The following OPCML variants were observed in gnomAD, a reference collection of about 807,000 sequenced individuals.
OPCML encodes the protein opioid-binding protein/cell adhesion molecule.
Under a neutral mutation model 37.8 loss-of-function variants are expected in OPCML, and 13 were observed. The ratio of observed to expected loss-of-function variants is 0.34; its 90% confidence interval spans 0.22 to 0.55. The LOEUF is 0.55. Among genes scored for constraint, OPCML ranks in the 20% least tolerant of loss-of-function variants. OPCML has a pLI of 0.91. For missense variants in OPCML, 341 were observed against 435.6 expected (o/e 0.78, Z 1.93); for synonymous variants, 176 against 168.8 (o/e 1.04, Z -0.33).
chr11:133,280,146 C>A (rs940696736), intron 1 of OPCML, among the ~76,000 whole-genome samples: 3 of 152,102 alleles, frequency 2.0e-5, no homozygotes, highest in Non-Finnish European at 2.9e-5. Context: ...ATAGTTGTAC[C>A]CTCCTAGATT....
chr11:133,147,202 C>G (rs911095179), intron 1 of OPCML, among the ~76,000 whole-genome samples: 3 of 152,144 alleles, frequency 2.0e-5, no homozygotes, highest in Non-Finnish European at 2.9e-5. Flanking sequence ...GTGCCACTTT[C>G]TACACGCAGG....
chr11:132,796,787 C>A (rs1938350095), intron 2 of OPCML, among the ~76,000 whole-genome samples: 1 of 151,914 alleles, frequency 6.6e-6, no homozygotes, highest in Non-Finnish European at 1.5e-5. Context: ...ACTGTATTAG[C>A]CAGGATGGTC....
intron 2 of OPCML, among the ~76,000 whole-genome samples, chr11:132,892,192 C>G (rs1391427165): frequency 1.3e-5 from 2 of 152,138 alleles, no homozygotes; most frequent in African/African-American, 4.8e-5. Context: ...GGCTGGAGAG[C>G]TGGAGAGGCT....
chr11:132,967,708 G>A (rs1035904590), intron 1 of OPCML, among the ~76,000 whole-genome samples: 6 of 151,872 alleles, frequency 4.0e-5, no homozygotes, highest in East Asian at 3.9e-4. Context: ...TTTTATAATC[G>A]CATAATTACT....
At chr11:133,410,367 T>G (rs986253776) in intron 1 of OPCML, among the ~76,000 whole-genome samples, 2 of 152,124 alleles carry the variant, frequency 1.3e-5, no homozygotes, top group Non-Finnish European at 2.9e-5. Flanking sequence ...ACACTTATTT[T>G]TGGGTGAACC....
intron 1 of OPCML, among the ~76,000 whole-genome samples, chr11:133,501,889 T>A (rs1300483178): frequency 1.3e-5 from 2 of 152,028 alleles, no homozygotes; most frequent in Non-Finnish European, 2.9e-5. Context: ...TCCAGCAGCC[T>A]TTCTGCCCAC....
intron 1 of OPCML, among the ~76,000 whole-genome samples, chr11:132,989,631 G>C (rs947261397): frequency 7.0e-6 from 1 of 143,340 alleles, no homozygotes. Context: ...GTGTGTGTGT[G>C]TGTGTGTGTG....
chr11:132,479,284 G>A (rs969408519), intron 4 of OPCML, among the ~76,000 whole-genome samples: 1 of 152,166 alleles, frequency 6.6e-6, no homozygotes, highest in African/African-American at 2.4e-5. Flanking sequence ...GGAAAATCGG[G>A]TCACTCCCAC....
At chr11:132,736,883 T>A (rs1945276730) in intron 2 of OPCML, among the ~76,000 whole-genome samples, 1 of 151,930 alleles carries the variant, frequency 6.6e-6, no homozygotes. Flanking sequence ...ACTGAGATGA[T>A]GAGACTATTA....
chr11:132,584,765 A>G lies in OPCML; in HGVS notation c.380-55579T>C, dbSNP rs528414013. Among the ~76,000 whole-genome samples, 487 of 152,346 alleles carry G rather than the reference A, an allele frequency of 3.2e-3. 1 individual carries two copies. The highest frequency in any genetic ancestry group is 3.8e-3 in the Non-Finnish European group (261 of 68,034). On this transcript the variant is annotated intron_variant, in intron 3 of 7. Transcript: ENST00000524381. Reference sequence around the variant, plus strand: ...AACTTTAGACAAGTTAAATGTAACAATGTAATTGGGCAAAGAATGATTTGC... The same window carrying G: ...AACTTTAGACAAGTTAAATGTAACAGTGTAATTGGGCAAAGAATGATTTGC...
At chr11:133,458,461 T>A (rs111068701) in intron 1 of OPCML, among the ~76,000 whole-genome samples, 2,430 of 85,438 alleles carry the variant, frequency 0.028, 391 homozygotes, top group Admixed American at 0.086. Flanking sequence ...TATATACACA[T>A]ATATACACGT....
At chr11:132,436,808 C>T (rs766191726) in intron 5 of OPCML, 29 bp from the exon 6 acceptor site, 5 of 1,607,914 alleles carry the variant, frequency 3.1e-6, no homozygotes, top group Non-Finnish European at 2.6e-6. Flanking sequence ...CACACATGCA[C>T]AGGCATGCAC....
In OPCML at chr11:133,432,458, C is replaced by G. The variant is rs1483950951; in HGVS notation, c.61+99806G>C. On this transcript the variant is annotated intron_variant, in intron 1 of 7. Transcript: ENST00000524381. ...TAGTGTGATCAAAGCTCACTGTGGCCTCAAACTTCTGGGCTCAAGTGATCC... is the reference window on the plus strand; with the variant it reads ...TAGTGTGATCAAAGCTCACTGTGGCGTCAAACTTCTGGGCTCAAGTGATCC... Among the ~76,000 whole-genome samples the G allele has an allele frequency of 1.3e-5, 2 of 152,102 alleles. 1 individual carries two copies. Among genetic ancestry groups the G allele is most frequent in the East Asian group, 3.9e-4 (2 of 5,178 alleles).
intron 1 of OPCML, among the ~76,000 whole-genome samples, chr11:133,461,591 C>T (rs1468838426): frequency 1.3e-5 from 2 of 151,524 alleles, no homozygotes; most frequent in African/African-American, 4.8e-5. Context: ...ACCAAGGAAG[C>T]AAAAAACTTA....
At position 133,283,682 on chromosome 11, in the gene OPCML, G is replaced by T. The variant is rs534479940; in HGVS notation, c.61+248582C>A. 1.2e-4 allele frequency among the ~76,000 whole-genome samples: 18 copies of T among 152,224 alleles called. No individual in the cohort carries two copies. In the East Asian group the frequency reaches 3.3e-3, roughly 28 times the overall value. ...TTGCCCTTTAGCACAGATCAAAGAG[G>T]AATGCCAACCCCAAACCACAAGGTA... On this transcript the variant is annotated intron_variant, in intron 1 of 7. Transcript: ENST00000524381.
chr11:132,789,959 A>T (rs989355869), intron 2 of OPCML, among the ~76,000 whole-genome samples: 11 of 152,216 alleles, frequency 7.2e-5, no homozygotes, highest in African/African-American at 2.7e-4. Context: ...AGCTCCTAAG[A>T]TATCTCGAAC....
chr11:133,112,179 G>T (rs1949264000), intron 1 of OPCML, among the ~76,000 whole-genome samples: 1 of 149,104 alleles, frequency 6.7e-6, no homozygotes, highest in African/African-American at 2.5e-5. Flanking sequence ...AATCTTGGGA[G>T]TATGGTTCCA....
intron 1 of OPCML, among the ~76,000 whole-genome samples, chr11:133,227,965 G>T (rs993330062): frequency 3.9e-5 from 6 of 152,220 alleles, no homozygotes; most frequent in African/African-American, 1.4e-4. Flanking sequence ...GAGCAGCAGT[G>T]GAGTGCCCCG....
intron 2 of OPCML, among the ~76,000 whole-genome samples, chr11:132,909,528 C>T (rs375732251): frequency 1.3e-5 from 2 of 152,188 alleles, no homozygotes; most frequent in Admixed American, 6.5e-5. Context: ...GCCCTTCTAC[C>T]GCTGCCATCT....
Sources: allele counts gnomAD v4.1 joint callset (sites outside exome capture counted in the v4.1 genomes callset), GRCh38; gene constraint gnomAD v4.1.1; transcripts MANE v1.5; gene names NCBI Gene and HGNC (gene_info 2026-07-23, HGNC 2026-07-21).